LARS2: variants seen among roughly 807,000 people sequenced by gnomAD.
LARS2 encodes leucyl-tRNA synthetase 2, mitochondrial.
A neutral mutation model predicts 116.6 loss-of-function variants in LARS2; 81 were observed. That is an observed-to-expected ratio of 0.69 (90% CI 0.58 to 0.84). LARS2 has a LOEUF of 0.84. Among genes scored for constraint, LARS2 ranks in the 40% least tolerant of loss-of-function variants. The pLI is 0.00. For synonymous variants in LARS2, 396 were observed against 407.2 expected (o/e 0.97, Z 0.33); for missense variants, 968 against 1,114.5 (o/e 0.87, Z 1.87).
intron 6 of LARS2, among the ~76,000 whole-genome samples, chr3:45,436,131 G>A (rs1263087744): frequency 6.6e-6 from 1 of 152,114 alleles, no homozygotes; most frequent in African/African-American, 2.4e-5. Context: ...CAGCAAAACG[G>A]CTCATTTTGG....
chr3:45,399,466 TTTTTGTTTTG>T (rs55773346), intron 3 of LARS2, among the ~76,000 whole-genome samples: 17 of 151,730 alleles, frequency 1.1e-4, no homozygotes, highest in East Asian at 1.9e-4. Context: ...GAGAAGTGTT[TTTTTGTTTTG>T]TTTTGTTTTG....
At chr3:45,501,163 G>T in intron 15 of LARS2, among the ~76,000 whole-genome samples, 1 of 143,100 alleles carries the variant, frequency 7.0e-6, no homozygotes, top group Non-Finnish European at 1.5e-5. Flanking sequence ...ATTAAATATG[G>T]AATTTTTATA....
rs114881088 is a variant in LARS2 at position 45,400,265 on chromosome 3, C to T, written c.255C>T (p.Tyr85=). 1.9e-3 allele frequency: 3,081 copies of T among 1,612,472 alleles called. 9 individuals carry two copies. Among genetic ancestry groups the T allele is most frequent in the Non-Finnish European group, 2.4e-3 (2,843 of 1,179,512 alleles). Reference sequence around the variant, plus strand: ...CCTAGAAATCGAAGCCAAAATTTTACGTGCTTTCCATGTTCCCTTATCCTT... The same window carrying T: ...CCTAGAAATCGAAGCCAAAATTTTATGTGCTTTCCATGTTCCCTTATCCTT... ...SEADKSKPKF[Y]VLSMFPYPSG... is the part of the protein sequence containing the mutation. The change falls in exon 4 of 22, where the codon TAC becomes TAT. Residue 85 remains tyrosine, a synonymous_variant. Transcript: ENST00000645846.
chr3:45,402,465 A>T (rs1423306345), intron 4 of LARS2, among the ~76,000 whole-genome samples: 1 of 152,228 alleles, frequency 6.6e-6, no homozygotes, highest in Non-Finnish European at 1.5e-5. Flanking sequence ...TTAAACATTT[A>T]CTGGAACCCC....
At chr3:45,496,122 G>A (rs1029028624) in intron 13 of LARS2, among the ~76,000 whole-genome samples, 153 bp from the exon 14 acceptor site, 1 of 152,192 alleles carries the variant, frequency 6.6e-6, no homozygotes, top group African/African-American at 2.4e-5. Flanking sequence ...GCCTCCCAAA[G>A]TGCTGGGATT....
Position 45,485,673 on chromosome 3 carries a change from T to G in LARS2, c.1019-19T>G. The G allele has an allele frequency of 6.9e-7, 1 of 1,453,416 alleles. No individual in the cohort carries two copies. The highest frequency in any genetic ancestry group is 9.6e-7 in the Non-Finnish European group (1 of 1,046,040). 90.0% of individuals were successfully genotyped at this position (1,453,416 alleles called of 1,614,324 possible). A position where few individuals can be genotyped will look rare whatever the true frequency, so the allele number is the denominator to read the frequency against. ...GTCTCAGTTGAGTGGCATCCACAGT[T>G]ATTTGCTCTCATTTTCAGATTGCCT... On this transcript the variant is annotated intron_variant, in intron 10 of 21. Coordinates refer to ENST00000645846, the MANE Select transcript of LARS2 (RefSeq NM_015340.4).
chr3:45,478,378 G>A (rs963797272), intron 10 of LARS2, among the ~76,000 whole-genome samples: 1 of 152,102 alleles, frequency 6.6e-6, no homozygotes, highest in Non-Finnish European at 1.5e-5. Context: ...GCTAAATTTG[G>A]GGACACAAAT....
In LARS2 at chr3:45,500,575, C is replaced by G. The variant is rs772606730; in HGVS notation, c.1756C>G (p.His586Asp). The change falls in exon 15 of 22, where the codon CAT becomes GAT. Residue 586 changes from histidine (H) to aspartate (D), a missense_variant. Physicochemically the swap from His to Asp is moderately conservative, Grantham distance 81. Transcript: ENST00000645846. ...HFCHDQKMVKHREPFHKLLAQ... is the reference protein window; with the variant it reads ...HFCHDQKMVKDREPFHKLLAQ... ...TTGCCATGATCAAAAAATGGTTAAA[C>G]ATAGGTAAGCACTTATACTGCTTTG... 16 of 1,568,072 alleles carry G rather than the reference C, an allele frequency of 1.0e-5. No homozygotes were observed. The highest frequency in any genetic ancestry group is 1.4e-5 in the Non-Finnish European group (16 of 1,164,110).
intron 6 of LARS2, among the ~76,000 whole-genome samples, chr3:45,436,269 A>T (rs1698799336): frequency 6.6e-6 from 1 of 151,990 alleles, no homozygotes; most frequent in Non-Finnish European, 1.5e-5. Context: ...CATCACAAAA[A>T]CATCTTCCAG....
At chr3:45,414,555 A>G (rs1698384663) in intron 4 of LARS2, among the ~76,000 whole-genome samples, 1 of 152,168 alleles carries the variant, frequency 6.6e-6, no homozygotes. Context: ...ACATAAGCCT[A>G]GCTTCTCTGC....
At chr3:45,538,830 T>C (rs1007420859) in intron 20 of LARS2, among the ~76,000 whole-genome samples, 4 of 152,224 alleles carry the variant, frequency 2.6e-5, no homozygotes, top group African/African-American at 9.6e-5. Flanking sequence ...TCGGTGGAAC[T>C]CTCAGTTCCA....
chr3:45,394,805 G>A (rs1698016786), intron 3 of LARS2, 118 bp downstream of exon 3: 2 of 665,746 alleles, frequency 3.0e-6, no homozygotes, highest in Non-Finnish European at 5.2e-6. Context: ...CCAAATTGTT[G>A]AATTTCTCTG....
intron 6 of LARS2, among the ~76,000 whole-genome samples, chr3:45,431,314 C>A (rs1240780399): frequency 6.6e-6 from 1 of 152,148 alleles, no homozygotes; most frequent in African/African-American, 2.4e-5. Context: ...ATCGCTTGTA[C>A]CTCTACTTTT....
intron 4 of LARS2, among the ~76,000 whole-genome samples, chr3:45,411,592 A>G (rs1411825186): frequency 6.6e-6 from 1 of 152,240 alleles, no homozygotes; most frequent in African/African-American, 2.4e-5. Context: ...GCACACTTAC[A>G]TATTTTGTGC....
chr3:45,425,007 T>C (rs1698571353), intron 6 of LARS2, among the ~76,000 whole-genome samples: 1 of 152,210 alleles, frequency 6.6e-6, no homozygotes, highest in South Asian at 2.1e-4. Flanking sequence ...CTAGTACAGA[T>C]ATTAGTTTTG....
intron 19 of LARS2, among the ~76,000 whole-genome samples, chr3:45,521,111 T>C (rs1178663843): frequency 2.0e-5 from 3 of 152,086 alleles, no homozygotes; most frequent in Admixed American, 2.0e-4. Context: ...AAGACCATCC[T>C]GGCTAACACA....
At chr3:45,475,448 G>C (rs1328443256) in intron 9 of LARS2, among the ~76,000 whole-genome samples, 2 of 152,186 alleles carry the variant, frequency 1.3e-5, no homozygotes, top group Non-Finnish European at 2.9e-5. Flanking sequence ...CTGAAATTCA[G>C]TCCTGCTGTG....
rs1699205335 is a variant in LARS2 at position 45,455,871 on chromosome 3, T to C, written c.607-2872T>C. On this transcript the variant is annotated intron_variant, in intron 7 of 21. Coordinates refer to ENST00000645846, the MANE Select transcript of LARS2 (RefSeq NM_015340.4). ...ACAGGGATGAATCTAGAAGACAGTG[T>C]GCTAAATGAAATAATCCAGGCACAG... 3.3e-5 allele frequency among the ~76,000 whole-genome samples: 5 copies of C among 152,238 alleles called. No individual in the cohort carries two copies. The South Asian group carries it at 1.0e-3, about 32-fold the overall frequency.
intron 4 of LARS2, among the ~76,000 whole-genome samples, chr3:45,410,775 C>T (rs976424440): frequency 6.6e-6 from 1 of 152,210 alleles, no homozygotes; most frequent in Non-Finnish European, 1.5e-5. Flanking sequence ...CCGCCTTACT[C>T]TGTACAAGCC....
Sources: allele counts gnomAD v4.1 joint callset (sites outside exome capture counted in the v4.1 genomes callset), GRCh38; gene constraint gnomAD v4.1.1; transcripts MANE v1.5; gene names NCBI Gene and HGNC (gene_info 2026-07-23, HGNC 2026-07-21).